Variants in KCNAB2 observed in about 807,000 individuals in gnomAD.
KCNAB2 encodes the protein voltage-gated potassium channel subunit beta-2.
In KCNAB2, 29 loss-of-function variants were observed where a neutral mutation model predicts 63.6. The ratio of observed to expected loss-of-function variants is 0.46; its 90% CI spans 0.34 to 0.62. KCNAB2 has a LOEUF of 0.62. Among genes scored for constraint, KCNAB2 ranks in the 20% least tolerant of loss-of-function variants. The pLI, the probability that KCNAB2 is intolerant of heterozygous loss-of-function variation, is 0.01. For synonymous variants in KCNAB2, 222 were observed against 224.2 expected, an observed-to-expected ratio of 0.99 and a Z score of 0.09; for missense variants, 359 against 563.9, an observed-to-expected ratio of 0.64 and a Z score of 3.68.
chr1:6,043,683 A>C (rs1557443558), upstream of KCNAB2, among the ~76,000 whole-genome samples: 1 of 152,174 alleles, frequency 6.6e-6, no homozygotes, highest in Non-Finnish European at 1.5e-5. Context: ...GCATACCACT[A>C]AACATGGCTA....
intron 1 of KCNAB2, among the ~76,000 whole-genome samples, chr1:6,000,443 T>A (rs2102540578): frequency 6.6e-6 from 1 of 152,260 alleles, no homozygotes; most frequent in Admixed American, 6.5e-5. Context: ...TACAAGGCAG[T>A]GGGGGTGTCC....
chr1:6,090,849 A>G (rs1389373093), intron 9 of KCNAB2, among the ~76,000 whole-genome samples: 5 of 152,134 alleles, frequency 3.3e-5, no homozygotes, highest in African/African-American at 1.2e-4. Flanking sequence ...CTCTCCAATC[A>G]CCATCCATTG....
intron 1 of KCNAB2, among the ~76,000 whole-genome samples, chr1:6,048,254 C>A (rs931030718): frequency 6.6e-6 from 1 of 152,204 alleles, no homozygotes; most frequent in Non-Finnish European, 1.5e-5. Flanking sequence ...TGCCTGCTGG[C>A]CCCTGGTGGT....
chr1:6,050,859 G>A (rs1661322209), intron 1 of KCNAB2, among the ~76,000 whole-genome samples: 1 of 152,232 alleles, frequency 6.6e-6, no homozygotes, highest in South Asian at 2.1e-4. Flanking sequence ...AAAGCATGAA[G>A]CCCAAAGATC....
chr1:6,015,119 C>T (rs1258481612), intron 1 of KCNAB2, among the ~76,000 whole-genome samples: 1 of 148,940 alleles, frequency 6.7e-6, no homozygotes, highest in Non-Finnish European at 1.5e-5. Flanking sequence ...ACAACTTCCA[C>T]CTCCCAGGTT....
chr1:6,059,124 A>AT (rs2100579069), intron 2 of KCNAB2, among the ~76,000 whole-genome samples: 2 of 152,096 alleles, frequency 1.3e-5, no homozygotes, highest in Admixed American at 1.3e-4. Context: ...CCGACTGATG[A>AT]TGTGCTAGGT....
At chr1:6,062,147 T>C (rs1662368975) in intron 2 of KCNAB2, among the ~76,000 whole-genome samples, 1 of 152,146 alleles carries the variant, frequency 6.6e-6, no homozygotes, top group South Asian at 2.1e-4. Flanking sequence ...ACTCTGTCTC[T>C]ACTAAAAATA....
intron 5 of KCNAB2, among the ~76,000 whole-genome samples, chr1:6,082,565 C>G (rs1382613613): frequency 1.3e-5 from 2 of 152,116 alleles, no homozygotes; most frequent in South Asian, 2.1e-4. Flanking sequence ...GAGCTGCTGT[C>G]CTGGGCTCTC....
chr1:6,051,154 C>T (rs1057375088), intron 1 of KCNAB2, among the ~76,000 whole-genome samples: 2 of 152,240 alleles, frequency 1.3e-5, no homozygotes, highest in Non-Finnish European at 2.9e-5. Flanking sequence ...CCCTGGTCTT[C>T]AGCATTTGGG....
chr1:6,098,148 C>T, intron 15 of KCNAB2: 1 of 1,070,448 alleles, frequency 9.3e-7, no homozygotes, highest in Non-Finnish European at 1.1e-6. Flanking sequence ...TATGCTGAGG[C>T]AGGCGCAGCT....
rs60338229 is a variant in KCNAB2, at chr1:6,005,052, G to A, written c.-53+12264G>A. On this transcript the variant is annotated intron_variant, in intron 1 of 16. Coordinates refer to the KCNAB2 transcript ENST00000341524. ...GGGGGACGCGGGGGCTGAGCTGAGG[G>A]GTGAGGGTAGAGTGGGGGACATGGA... Among the ~76,000 whole-genome samples the A allele has an allele frequency of 7.8e-4, 28 of 35,734 alleles. 4 individuals carry two copies. In the East Asian group the frequency reaches 7.9e-3, roughly 10 times the overall value. 23.4% of individuals were successfully genotyped at this position (35,734 alleles called of 152,430 possible).
rs930697976 is a variant in KCNAB2 at position 6,074,309 on chromosome 1, C to T, written c.300+539C>T. ...CAGATGTATTTGCTGGGGCTCATGT[C>T]CCCACAATTGGAACAAGAAAGTGAA... is the stretch of plus-strand genomic sequence containing the variant. On this transcript the variant is annotated intron_variant, in intron 4 of 15. Coordinates refer to ENST00000378083, the MANE Select transcript of KCNAB2 (RefSeq NM_001199862.2). The surrounding 1 kb of genome is among the most constrained non-coding windows in gnomAD (Gnocchi z 4.9). Among the ~76,000 whole-genome samples the T allele has an allele frequency of 5.3e-5, 8 of 152,190 alleles. No individual in the cohort carries two copies. Among genetic ancestry groups the T allele is most frequent in the Non-Finnish European group, 1.0e-4 (7 of 68,034 alleles).
Position 6,040,375 on chromosome 1 carries a change from GTC to G in KCNAB2, c.-52-136_-52-135del, listed in dbSNP as rs146621437. 4.0e-3 allele frequency: 2,484 copies of G among 621,110 alleles called. 39 individuals are homozygous for G. The East Asian group carries it at 0.045, about 11-fold the overall frequency. 38.5% of individuals were successfully genotyped at this position (621,110 alleles called of 1,614,324 possible). A position where few individuals can be genotyped will look rare whatever the true frequency, so the allele number is the denominator to read the frequency against. ...GTGTCTGTCTGTCGTCTGTCTGTCTGTCTCTCTGCTGAGGGGCTCCCCGATGC... is the reference window on the plus strand; with the variant it reads ...GTGTCTGTCTGTCGTCTGTCTGTCTGTCTCTGCTGAGGGGCTCCCCGATGC... On this transcript the variant is annotated intron_variant, in intron 1 of 15. Transcript: ENST00000164247.
chr1:6,089,949 G>T, intron 8 of KCNAB2, among the ~76,000 whole-genome samples: 1 of 152,198 alleles, frequency 6.6e-6, no homozygotes, highest in East Asian at 1.9e-4. Flanking sequence ...TGATGCGCCC[G>T]CCTTGGCCCC....
At position 6,089,193 on chromosome 1, in the gene KCNAB2, C is replaced by T. The variant is rs556149717; in HGVS notation, c.514+142C>T. On this transcript the variant is annotated intron_variant, in intron 8 of 15. Coordinates refer to ENST00000378083, the MANE Select transcript of KCNAB2 (RefSeq NM_001199862.2). Reference sequence around the variant, plus strand: ...CGGGGCACCCGGTGCTCTGGCCTGACCTTCTCCTTCCACCCAGGTAGCACA... The same window carrying T: ...CGGGGCACCCGGTGCTCTGGCCTGATCTTCTCCTTCCACCCAGGTAGCACA... 4 of 885,588 alleles carry T rather than the reference C, an allele frequency of 4.5e-6. No homozygotes were observed. In the African/African-American group the frequency reaches 5.0e-5, roughly 11 times the overall value. 54.9% of individuals were successfully genotyped at this position (885,588 alleles called of 1,614,324 possible).
Position 6,088,528 on chromosome 1 carries a change from G to A in KCNAB2, c.471-480G>A, listed in dbSNP as rs568808487. On this transcript the variant is annotated intron_variant, in intron 7 of 15. Coordinates refer to ENST00000378083, the MANE Select transcript of KCNAB2 (RefSeq NM_001199862.2). ...TTCCCAAAGCACTAGGATTGCAGGC[G>A]TGAGCCACCACGCCTGGCATTAATT... 1.7e-3 allele frequency among the ~76,000 whole-genome samples: 259 copies of A among 151,654 alleles called. 1 individual carries two copies. Among genetic ancestry groups the A allele is most frequent in the African/African-American group, 6.0e-3 (249 of 41,358 alleles).
intron 1 of KCNAB2, among the ~76,000 whole-genome samples, chr1:6,002,245 C>T (rs926779200): frequency 2.0e-5 from 3 of 152,220 alleles, no homozygotes; most frequent in Non-Finnish European, 4.4e-5. Context: ...CCTGGCCCAA[C>T]GGAGGCCAAC....
At chr1:6,066,436 T>G (rs1482936036) in intron 2 of KCNAB2, among the ~76,000 whole-genome samples, 1 of 152,220 alleles carries the variant, frequency 6.6e-6, no homozygotes, top group Non-Finnish European at 1.5e-5. Flanking sequence ...TAGTGCTTGG[T>G]AGATGATGAG....
chr1:6,090,556 G>A (rs560591373), intron 9 of KCNAB2, 81 bp downstream of exon 9: 8 of 1,099,054 alleles, frequency 7.3e-6, no homozygotes, highest in African/African-American at 3.1e-5. Flanking sequence ...GAGGCCGCCA[G>A]CATGGGCCCT....
Sources: allele counts gnomAD v4.1 joint callset (sites outside exome capture counted in the v4.1 genomes callset), GRCh38; gene constraint gnomAD v4.1.1; non-coding constraint Gnocchi (gnomAD v3.1); transcripts MANE v1.5; gene names NCBI Gene and HGNC (gene_info 2026-07-23, HGNC 2026-07-21).